NFATC1: variants seen among roughly 807,000 people sequenced by gnomAD.
The protein encoded by NFATC1 is nuclear factor of activated T-cells, cytoplasmic 1.
NFATC1 carries 22 observed loss-of-function variants against 76.0 expected under a neutral mutation model. The ratio of observed to expected loss-of-function variants is 0.29; its 90% CI spans 0.21 to 0.41. The LOEUF (loss-of-function observed/expected upper bound fraction) is 0.41. Among genes scored for constraint, NFATC1 ranks in the 10% least tolerant of loss-of-function variants. The pLI is 1.00. For synonymous variants in NFATC1, 704 were observed against 613.1 expected (o/e 1.15, Z -2.19); for missense variants, 1,357 against 1,337.7 (o/e 1.01, Z -0.23).
intron 7 of NFATC1, among the ~76,000 whole-genome samples, chr18:79,463,811 C>T (rs957276091): frequency 6.6e-6 from 1 of 152,204 alleles, no homozygotes; most frequent in Non-Finnish European, 1.5e-5. Flanking sequence ...TCGCCAGCCC[C>T]GCACATGCAC....
chr18:79,442,417 G>A (rs1219067759), intron 3 of NFATC1, among the ~76,000 whole-genome samples: 2 of 152,236 alleles, frequency 1.3e-5, no homozygotes, highest in East Asian at 3.8e-4. Context: ...AGGGGCTCCT[G>A]CCGCGTGCCT....
At chr18:79,484,037 G>C (rs561425717) in intron 8 of NFATC1, among the ~76,000 whole-genome samples, 1 of 151,682 alleles carries the variant, frequency 6.6e-6, no homozygotes, top group African/African-American at 2.4e-5. Context: ...GGTTCCTGGG[G>C]TGTCATTCCA....
At chr18:79,441,767 G>A (rs1030385217) in intron 3 of NFATC1, among the ~76,000 whole-genome samples, 2 of 152,098 alleles carry the variant, frequency 1.3e-5, no homozygotes, top group African/African-American at 4.8e-5. Flanking sequence ...GTGTGCTTCT[G>A]GCCCTGGGGT....
intron 1 of NFATC1, among the ~76,000 whole-genome samples, chr18:79,409,414 TCCATCCATCA>T (rs2085576905): frequency 1.3e-5 from 2 of 152,006 alleles, no homozygotes; most frequent in Non-Finnish European, 2.9e-5. Flanking sequence ...CGTCCATCCA[TCCATCCATCA>T]CCATCCATTT....
At chr18:79,460,618 T>C (rs140469374) in intron 6 of NFATC1, among the ~76,000 whole-genome samples, 1 of 152,348 alleles carries the variant, frequency 6.6e-6, no homozygotes, top group African/African-American at 2.4e-5. Context: ...AAATACCTCG[T>C]GTTTTGCATT....
intron 8 of NFATC1, among the ~76,000 whole-genome samples, chr18:79,484,844 G>T (rs1223514365): frequency 6.6e-6 from 1 of 152,108 alleles, no homozygotes; most frequent in African/African-American, 2.4e-5. Flanking sequence ...GCCGGGACCT[G>T]TGCGGGGGGG....
chr18:79,487,623 G>A (rs1449180636), intron 9 of NFATC1, among the ~76,000 whole-genome samples: 3 of 152,234 alleles, frequency 2.0e-5, no homozygotes, highest in Admixed American at 6.5e-5. Flanking sequence ...GGTGTGGGGC[G>A]TCTGAGCACT....
intron 3 of NFATC1, among the ~76,000 whole-genome samples, chr18:79,434,599 C>T (rs971366614): frequency 2.0e-5 from 3 of 152,260 alleles, no homozygotes; most frequent in Non-Finnish European, 4.4e-5. Flanking sequence ...CTCCAGGCTA[C>T]GCGGCAGCAC....
At chr18:79,431,155 G>A (rs942742265) in intron 2 of NFATC1, among the ~76,000 whole-genome samples, 2 of 152,228 alleles carry the variant, frequency 1.3e-5, no homozygotes, top group African/African-American at 4.8e-5. Context: ...TGGGTGGTGA[G>A]CCTGCCAGGT....
In NFATC1 at chr18:79,410,538, G is replaced by C. The variant is rs1204690947; in HGVS notation, c.263G>C (p.Gly88Ala). The change falls in exon 2 of 10, where the codon GGG (glycine) becomes GCG (alanine). Residue 88 changes from glycine (G) to alanine (A), a missense_variant. Coordinates refer to ENST00000427363, the MANE Select transcript of NFATC1 (RefSeq NM_001278669.2). The surrounding 1 kb of genome is among the most constrained non-coding windows in gnomAD (Gnocchi z 6.7). ...ATCCCGCCGGCGGATCACCCCTCGG[G>C]GTACGGAGCAGCTTTGGACGGTGGG... is the stretch of plus-strand genomic sequence containing the variant. The part of the protein sequence containing the change: ...GIIPPADHPS[G>A]YGAALDGGPA... 6.2e-7 allele frequency: 1 copy of C among 1,611,700 alleles called. No homozygotes were observed. The highest frequency in any genetic ancestry group is 1.1e-5 in the South Asian group (1 of 91,080).
At chr18:79,401,253 C>G (rs2085241589) in intron 1 of NFATC1, among the ~76,000 whole-genome samples, 1 of 151,916 alleles carries the variant, frequency 6.6e-6, no homozygotes, top group East Asian at 2.0e-4. Context: ...GGCCTCGTGT[C>G]TGCCCTCCCC....
intron 8 of NFATC1, among the ~76,000 whole-genome samples, chr18:79,472,633 C>A (rs2088832368): frequency 6.6e-6 from 1 of 152,162 alleles, no homozygotes; most frequent in Non-Finnish European, 1.5e-5. Context: ...GTGGCCTCTT[C>A]CCCTCCCCCT....
intron 9 of NFATC1, among the ~76,000 whole-genome samples, chr18:79,510,917 G>A (rs1054832728): frequency 1.3e-5 from 2 of 151,876 alleles, no homozygotes; most frequent in African/African-American, 4.8e-5. Context: ...TCCACCGGGG[G>A]CTCCTCCGCC....
Position 79,396,370 on chromosome 18 carries a change from C to T in NFATC1, c.127+19C>T. The T allele has an allele frequency of 7.7e-7, 1 of 1,296,184 alleles. No individual in the cohort carries two copies. Among genetic ancestry groups the T allele is most frequent in the Non-Finnish European group, 9.9e-7 (1 of 1,006,782 alleles). The allele number at this position is 1,296,184 out of a possible 1,614,324, so 80.3% of individuals were successfully genotyped here. A position where few individuals can be genotyped will look rare whatever the true frequency, so the allele number is the denominator to read the frequency against. Reference sequence around the variant, plus strand: ...GAGGAAGGTAAGCCCCGCGCGGCCTCCGCCCCCGGACCCCTGCGCCCCCCA... The same window carrying T: ...GAGGAAGGTAAGCCCCGCGCGGCCTTCGCCCCCGGACCCCTGCGCCCCCCA... On this transcript the variant is annotated intron_variant, in intron 1 of 9. Coordinates refer to ENST00000427363, the MANE Select transcript of NFATC1 (RefSeq NM_001278669.2).
intron 2 of NFATC1, among the ~76,000 whole-genome samples, chr18:79,423,064 G>A (rs116261874): frequency 0.012 from 1,835 of 151,646 alleles, 35 homozygotes; most frequent in African/African-American, 0.041. Flanking sequence ...CAAAGCTGTT[G>A]TGAGGCTCAC....
rs148345364 is a variant in NFATC1, at chr18:79,519,585, C to T, written c.2783-7943C>T. The stretch of plus-strand genomic sequence containing the variant: ...AACTTTTGGCCTCAAGTGATCCTCC[C>T]GCCTTGGCTTCCCAAAGTGCTGGGA... On this transcript the variant is annotated intron_variant, in intron 9 of 9. Transcript: ENST00000427363. Among the ~76,000 whole-genome samples, 537 of 152,312 alleles carry T rather than the reference C, an allele frequency of 3.5e-3. 2 individuals are homozygous for T. Among genetic ancestry groups the T allele is most frequent in the African/African-American group, 0.012 (504 of 41,566 alleles).
chr18:79,481,378 C>G (rs1190573578), intron 8 of NFATC1, among the ~76,000 whole-genome samples: 3 of 152,220 alleles, frequency 2.0e-5, no homozygotes, highest in Non-Finnish European at 2.9e-5. Flanking sequence ...CCTGCCACCC[C>G]TTCAAAAAAG....
intron 3 of NFATC1, among the ~76,000 whole-genome samples, chr18:79,440,457 G>T (rs1386165602): frequency 1.3e-5 from 2 of 152,236 alleles, no homozygotes; most frequent in Non-Finnish European, 2.9e-5. Context: ...ACCCCGTGGG[G>T]AGGCGGCGCC....
chr18:79,475,123 C>T lies in NFATC1; in HGVS notation c.2092+7541C>T, dbSNP rs1008031197. On this transcript the variant is annotated intron_variant, in intron 8 of 9. Coordinates refer to ENST00000427363, the MANE Select transcript of NFATC1 (RefSeq NM_001278669.2). ...GGAAGCGTGTTCTCACGCTCACTGT[C>T]GACATTGTAAACCTGAGGGAAGCAT... Among the ~76,000 whole-genome samples, 25 of 143,754 alleles carry T rather than the reference C, an allele frequency of 1.7e-4. 1 individual carries two copies. Among genetic ancestry groups the T allele is most frequent in the Non-Finnish European group, 2.7e-4 (18 of 66,878 alleles). The allele number at this position is 143,754 out of a possible 152,430, so 94.3% of individuals were successfully genotyped here. A position where few individuals can be genotyped will look rare whatever the true frequency, so the allele number is the denominator to read the frequency against.
Sources: gnomAD v4.1 joint callset for allele counts (sites outside exome capture counted in the v4.1 genomes callset) on GRCh38, gnomAD v4.1.1 for gene constraint, Gnocchi (gnomAD v3.1) non-coding constraint, MANE v1.5 for transcripts, NCBI Gene and HGNC (gene_info 2026-07-23, HGNC 2026-07-21) for gene names.